Variants in ARID2 observed in about 807,000 individuals in gnomAD.
ARID2 encodes AT-rich interactive domain-containing protein 2.
ARID2 carries 32 observed loss-of-function variants against 184.6 expected under a neutral mutation model. That is an observed-to-expected ratio of 0.17 (90% CI 0.13 to 0.23). The LOEUF is 0.23. Ranked by LOEUF, ARID2 falls within the 10% of genes least tolerant of loss-of-function variation. The probability of loss-of-function intolerance (pLI) is 1.00; values close to 1 mark genes in which losing one functional copy is unlikely to be tolerated. For missense variants in ARID2, 1,696 were observed against 2,197.6 expected, an observed-to-expected ratio of 0.77 and a Z score of 4.56; for synonymous variants, 836 against 772.6, an observed-to-expected ratio of 1.08 and a Z score of -1.36.
At chr12:45,873,769 C>T (rs1433418270) in intron 16 of ARID2, among the ~76,000 whole-genome samples, 1 of 152,142 alleles carries the variant, frequency 6.6e-6, no homozygotes, top group Non-Finnish European at 1.5e-5. Flanking sequence ...ATTAAAAATG[C>T]TTTACTGCTA....
chr12:45,735,022 A>G (rs898862815), intron 3 of ARID2, among the ~76,000 whole-genome samples: 5 of 152,038 alleles, frequency 3.3e-5, no homozygotes, highest in African/African-American at 1.2e-4. Context: ...ATTTCTATTT[A>G]TATGTACCTA....
chr12:45,833,082 G>A (rs936782652), intron 6 of ARID2, among the ~76,000 whole-genome samples: 6 of 152,122 alleles, frequency 3.9e-5, no homozygotes, highest in African/African-American at 7.2e-5. Flanking sequence ...GTACTTAATT[G>A]TGGATATTTT....
In ARID2 at chr12:45,851,010, A is replaced by G. The variant is rs768982341; in HGVS notation, c.2887A>G (p.Thr963Ala). 6.2e-7 allele frequency: 1 copy of G among 1,614,156 alleles called. No individual in the cohort carries two copies. The highest frequency in any genetic ancestry group is 1.1e-5 in the South Asian group (1 of 91,080). Residue 963 changes from threonine to alanine, a missense_variant, in exon 15 of 21, where the codon ACT becomes GCT. Physicochemically the swap from Thr to Ala is moderately conservative, Grantham distance 58. Coordinates refer to ENST00000334344, the MANE Select transcript of ARID2 (RefSeq NM_152641.4). ...ALPAGQTVQL[T>A]GQPNITPSSS... The stretch of plus-strand genomic sequence containing the variant: ...TCCAGCTGGTCAGACAGTTCAGCTA[A>G]CTGGACAACCTAACATAACTCCATC...
chr12:45,898,572 T>C (rs1216501793), intron 20 of ARID2, among the ~76,000 whole-genome samples: 1 of 152,196 alleles, frequency 6.6e-6, no homozygotes, highest in Non-Finnish European at 1.5e-5. Flanking sequence ...ATTGTGGTGA[T>C]GGTTGCACAA....
At chr12:45,784,170 T>A (rs1302901035) in intron 3 of ARID2, among the ~76,000 whole-genome samples, 3 of 151,998 alleles carry the variant, frequency 2.0e-5, no homozygotes, top group African/African-American at 7.2e-5. Flanking sequence ...GTTTGTTTTA[T>A]TTTTATTTTT....
chr12:45,877,766 A>T (rs1481401215), intron 16 of ARID2, among the ~76,000 whole-genome samples: 1 of 152,166 alleles, frequency 6.6e-6, no homozygotes, highest in South Asian at 2.1e-4. Flanking sequence ...ATTATCTGTT[A>T]GATCAATCAA....
chr12:45,766,229 G>A (rs571673247), intron 3 of ARID2, among the ~76,000 whole-genome samples: 80 of 151,492 alleles, frequency 5.3e-4, no homozygotes, highest in Non-Finnish European at 4.1e-4. Flanking sequence ...GTGCAGTGGC[G>A]CAATCTCGGC....
chr12:45,860,776 A>G (rs373851935), intron 15 of ARID2, 25 bp from the exon 16 acceptor site: 4 of 1,470,042 alleles, frequency 2.7e-6, no homozygotes, highest in Non-Finnish European at 2.7e-6. Context: ...CATGTCACAA[A>G]CTCTGCATTT....
At chr12:45,750,318 G>A (rs1941437724) in intron 3 of ARID2, among the ~76,000 whole-genome samples, 1 of 152,320 alleles carries the variant, frequency 6.6e-6, no homozygotes, top group East Asian at 1.9e-4. Context: ...TGTGGGTACA[G>A]TTTGGGGTGC....
At chr12:45,778,339 C>T (rs914738537) in intron 3 of ARID2, among the ~76,000 whole-genome samples, 3 of 152,096 alleles carry the variant, frequency 2.0e-5, no homozygotes, top group Non-Finnish European at 4.4e-5. Flanking sequence ...TGCTATTTTT[C>T]ACTTCCAACT....
intron 18 of ARID2, among the ~76,000 whole-genome samples, chr12:45,892,829 G>A (rs140172577): frequency 4.1e-4 from 63 of 152,060 alleles, no homozygotes; most frequent in African/African-American, 1.5e-3. Flanking sequence ...CTTCCATTCT[G>A]TATCTTTCAT....
At chr12:45,761,012 C>A (rs1255422746) in intron 3 of ARID2, among the ~76,000 whole-genome samples, 1 of 152,206 alleles carries the variant, frequency 6.6e-6, no homozygotes, top group African/African-American at 2.4e-5. Flanking sequence ...CAGATGTGAG[C>A]CATTGTTCCT....
intron 4 of ARID2, among the ~76,000 whole-genome samples, chr12:45,814,075 A>G (rs1235398070): frequency 1.3e-5 from 2 of 152,266 alleles, no homozygotes; most frequent in East Asian, 3.9e-4. Context: ...CATTTTTGGT[A>G]CTTAAATTTT....
chr12:45,758,129 T>C (rs1219146834), intron 3 of ARID2, among the ~76,000 whole-genome samples: 1 of 152,214 alleles, frequency 6.6e-6, no homozygotes, highest in Non-Finnish European at 1.5e-5. Flanking sequence ...TCTCGACATA[T>C]TACATACTTT....
rs2136473173 is a variant in ARID2, at chr12:45,905,075, G to A, written c.5505G>A (p.Gln1835=). Residue 1835 remains glutamine, a synonymous_variant, in exon 21 of 21, where the codon CAG becomes CAA. Coordinates refer to ENST00000334344, the MANE Select transcript of ARID2 (RefSeq NM_152641.4). ...AAGAAAAAGACTCAGAAATGCTGCA[G>A]TGAAAAATAATTCCACTTACACAGT... ...KEQEKDSEML[Q] 1 of 1,612,890 alleles carries A rather than the reference G, an allele frequency of 6.2e-7. No homozygotes were observed. Among genetic ancestry groups the A allele is most frequent in the Non-Finnish European group, 8.5e-7 (1 of 1,179,502 alleles).
At chr12:45,802,802 G>A (rs1364809904) in intron 3 of ARID2, among the ~76,000 whole-genome samples, 1 of 152,010 alleles carries the variant, frequency 6.6e-6, no homozygotes, top group Non-Finnish European at 1.5e-5. Context: ...TTTGCTGTAT[G>A]TCTAAAACCT....
intron 20 of ARID2, 58 bp from the exon 21 acceptor site, chr12:45,904,876 A>T (rs901460940): frequency 1.8e-5 from 28 of 1,586,852 alleles, no homozygotes; most frequent in Non-Finnish European, 2.3e-5. Context: ...AAAATTCATG[A>T]TAAAGAGTCA....
chr12:45,737,267 C>T (rs773489373), intron 3 of ARID2, among the ~76,000 whole-genome samples: 6 of 152,138 alleles, frequency 3.9e-5, no homozygotes, highest in Non-Finnish European at 7.3e-5. Context: ...CAGGGCTTCA[C>T]TCCCATCTTA....
At chr12:45,780,975 A>G (rs1179252630) in intron 3 of ARID2, among the ~76,000 whole-genome samples, 1 of 152,158 alleles carries the variant, frequency 6.6e-6, no homozygotes, top group African/African-American at 2.4e-5. Context: ...AAAGAAAAAT[A>G]TAGCATTTAC....
Sources: gnomAD v4.1 joint callset for allele counts (sites outside exome capture counted in the v4.1 genomes callset) on GRCh38, gnomAD v4.1.1 for gene constraint, MANE v1.5 for transcripts, NCBI Gene and HGNC (gene_info 2026-07-23, HGNC 2026-07-21) for gene names.